TMEM45B: variants seen among roughly 807,000 people sequenced by gnomAD.
TMEM45B encodes the protein transmembrane protein 45B.
TMEM45B carries 29 observed loss-of-function variants against 27.3 expected under a neutral mutation model. The observed-to-expected ratio is 1.06, with a 90% CI of 0.79 to 1.45. The LOEUF is 1.45. Among genes scored for constraint, TMEM45B ranks in the 40% most tolerant of loss-of-function variants. TMEM45B has a pLI of 0.00. For synonymous variants in TMEM45B, 143 were observed against 134.7 expected (o/e 1.06, Z -0.43); for missense variants, 348 against 343.9 (o/e 1.01, Z -0.09).
In TMEM45B at chr11:129,857,639, G is replaced by C. The variant is rs551251445; in HGVS notation, c.716+181G>C. 6.2e-4 allele frequency among the ~76,000 whole-genome samples: 95 copies of C among 152,260 alleles called. 1 individual carries two copies. In the South Asian group the frequency reaches 0.02, roughly 32 times the overall value. ...GGAATGAGGCTTTTCAAAGTTTAATGACCTGAGGGCTTTTCAAAGTCATAG... is the reference window on the plus strand; with the variant it reads ...GGAATGAGGCTTTTCAAAGTTTAATCACCTGAGGGCTTTTCAAAGTCATAG... On this transcript the variant is annotated intron_variant, in intron 5 of 5. Coordinates refer to ENST00000281441, the MANE Select transcript of TMEM45B (RefSeq NM_138788.5).
chr11:129,855,216 G>C (rs939999794), intron 3 of TMEM45B, among the ~76,000 whole-genome samples: 2 of 152,106 alleles, frequency 1.3e-5, no homozygotes, highest in African/African-American at 4.8e-5. Context: ...ACACCCCTTT[G>C]GTTAAGCGAA....
rs566323630 is a variant in TMEM45B at position 129,841,553 on chromosome 11, T to C, written c.-8-10922T>C. Among the ~76,000 whole-genome samples the C allele has an allele frequency of 7.3e-5, 11 of 151,500 alleles. No individual in the cohort carries two copies. In the South Asian group the frequency reaches 2.3e-3, roughly 32 times the overall value. Reference sequence around the variant, plus strand: ...CCCACACAGAGGGACTGACAGGGGTTGGAAGTGTAATGGGCTTGAAGTTTT... The same window carrying C: ...CCCACACAGAGGGACTGACAGGGGTCGGAAGTGTAATGGGCTTGAAGTTTT... On this transcript the variant is annotated intron_variant, in intron 1 of 5. Coordinates refer to ENST00000281441, the MANE Select transcript of TMEM45B (RefSeq NM_138788.5).
At chr11:129,847,828 C>G (rs1947784283) in intron 1 of TMEM45B, among the ~76,000 whole-genome samples, 1 of 152,048 alleles carries the variant, frequency 6.6e-6, no homozygotes, top group Non-Finnish European at 1.5e-5. Flanking sequence ...CAATCTTTTC[C>G]CCACCTTTCC....
chr11:129,855,065 A>G (rs1351919247), intron 3 of TMEM45B, among the ~76,000 whole-genome samples: 2 of 152,202 alleles, frequency 1.3e-5, no homozygotes, highest in Non-Finnish European at 2.9e-5. Context: ...CTAACACTGC[A>G]GGAGTCCTCC....
In TMEM45B at chr11:129,820,866, G is replaced by C. The variant is rs1444902326; in HGVS notation, c.-9+4968G>C. On this transcript the variant is annotated intron_variant, in intron 1 of 5. Transcript: ENST00000281441. ...AGCGGCAATTACTTTCAATGCTTTG[G>C]GTTGTGTTTTTCTGATATTACCATA... 2.0e-5 allele frequency among the ~76,000 whole-genome samples: 3 copies of C among 152,128 alleles called. No individual in the cohort carries two copies. In the East Asian group the frequency reaches 5.8e-4, roughly 29 times the overall value.
chr11:129,842,865 T>C (rs1224450285), intron 1 of TMEM45B, among the ~76,000 whole-genome samples: 3 of 152,140 alleles, frequency 2.0e-5, no homozygotes, highest in Admixed American at 6.6e-5. Flanking sequence ...AAGATACCCA[T>C]AGAATGGGAG....
In TMEM45B at chr11:129,852,464, T is replaced by C; in HGVS notation, c.-8-11T>C. On this transcript the variant is annotated splice_polypyrimidine_tract_variant and intron_variant, in intron 1 of 5. Coordinates refer to ENST00000281441, the MANE Select transcript of TMEM45B (RefSeq NM_138788.5). ...CATTAGCCACCTAACAGCCTTCCCC[T>C]AATTTTTTAGGTGTCCTGATGGCAA... 6.3e-7 allele frequency: 1 copy of C among 1,580,426 alleles called. No homozygotes were observed. The highest frequency in any genetic ancestry group is 8.7e-7 in the Non-Finnish European group (1 of 1,154,368).
intron 2 of TMEM45B, 87 bp downstream of exon 2, chr11:129,852,747 T>C: frequency 1.4e-6 from 2 of 1,423,974 alleles, no homozygotes; most frequent in Non-Finnish European, 9.5e-7. Flanking sequence ...GAAATAGATG[T>C]TCCCACTGGC....
rs139170609 is a variant in TMEM45B at position 129,855,766 on chromosome 11, A to T, written c.444A>T (p.Ser148=). ...NRPPLDQHIH[S]LLLYALFGGC... is the part of the protein sequence containing the mutation. ...CTCCGCTGGACCAGCACATCCACTC[A>T]CTCCTGCTGTATGCTCTGTTCGGAG... The change falls in exon 4 of 6, where the codon TCA becomes TCT. Residue 148 remains serine, a synonymous_variant. Transcript: ENST00000281441. The T allele has an allele frequency of 3.1e-6, 5 of 1,612,134 alleles. No individual in the cohort carries two copies. Among genetic ancestry groups the T allele is most frequent in the Non-Finnish European group, 4.2e-6 (5 of 1,179,532 alleles).
chr11:129,839,861 C>T (rs1159512267), intron 1 of TMEM45B, among the ~76,000 whole-genome samples: 1 of 152,096 alleles, frequency 6.6e-6, no homozygotes, highest in East Asian at 1.9e-4. Context: ...TATTTGTTTT[C>T]CTATTTGTAA....
At chr11:129,837,777 C>CTTTTTTTTCT (rs1947641681) in intron 1 of TMEM45B, among the ~76,000 whole-genome samples, 3 of 69,026 alleles carry the variant, frequency 4.3e-5, no homozygotes, top group Non-Finnish European at 7.6e-5. Flanking sequence ...AGGCTAGTTT[C>CTTTTTTTTCT]TTTTTTTTTT....
At chr11:129,825,340 GT>G (rs1947465610) in intron 1 of TMEM45B, among the ~76,000 whole-genome samples, 3 of 152,154 alleles carry the variant, frequency 2.0e-5, no homozygotes, top group Admixed American at 2.0e-4. Flanking sequence ...GGCTTTCTGG[GT>G]GACTGGACAT....
chr11:129,856,341 AG>A (rs1768604342), intron 4 of TMEM45B, among the ~76,000 whole-genome samples: 1 of 151,826 alleles, frequency 6.6e-6, no homozygotes, highest in Non-Finnish European at 1.5e-5. Context: ...CCTCCTGAGT[AG>A]CTCAGGTTAC....
At chr11:129,816,931 A>T in intron 1 of TMEM45B, among the ~76,000 whole-genome samples, 1 of 146,732 alleles carries the variant, frequency 6.8e-6, no homozygotes. Flanking sequence ...TTTTTTTGGT[A>T]GAGACGGGGT....
At chr11:129,840,239 T>A (rs1947673150) in intron 1 of TMEM45B, among the ~76,000 whole-genome samples, 1 of 152,222 alleles carries the variant, frequency 6.6e-6, no homozygotes, top group African/African-American at 2.4e-5. Context: ...CTTCTATGAA[T>A]CATACATAAG....
At position 129,837,585 on chromosome 11, in the gene TMEM45B, C is replaced by CTTTTTTTTTTTTTTTTTTTTTTTTTTTTT. The variant is rs200040338; in HGVS notation, c.-8-14875_-8-14874insTTTTTTTTTTTTTTTTTTTTTTTTTTTTT. On this transcript the variant is annotated intron_variant, in intron 1 of 5. Transcript: ENST00000281441. ...TACAGGCATGAGCCACTGCACTGGG[C>CTTTTTTTTTTTTTTTTTTTTTTTTTTTTT]TTTTTTTTTTTTTTTGAGACAGGGT... Among the ~76,000 whole-genome samples, 78 of 80,276 alleles carry CTTTTTTTTTTTTTTTTTTTTTTTTTTTTT rather than the reference C, an allele frequency of 9.7e-4. 14 individuals are homozygous for CTTTTTTTTTTTTTTTTTTTTTTTTTTTTT. Among genetic ancestry groups the CTTTTTTTTTTTTTTTTTTTTTTTTTTTTT allele is most frequent in the Middle Eastern group, 7.6e-3 (1 of 132 alleles). The allele number at this position is 80,276 out of a possible 152,430, so 52.7% of individuals were successfully genotyped here.
rs1463762093 is a variant in TMEM45B at position 129,858,777 on chromosome 11, T to C, written c.*92T>C. ...CTGAATGCCTGCTGTGGTCTGATCT[T>C]AAGGGTCTATATATTTGCACCTCCT... On this transcript the variant is annotated 3_prime_UTR_variant, in exon 6 of 6. Coordinates refer to ENST00000281441, the MANE Select transcript of TMEM45B (RefSeq NM_138788.5). 9.8e-6 allele frequency: 9 copies of C among 917,136 alleles called. No homozygotes were observed. The Admixed American group carries it at 2.1e-4, about 22-fold the overall frequency. 56.8% of individuals were successfully genotyped at this position (917,136 alleles called of 1,614,324 possible). A position where few individuals can be genotyped will look rare whatever the true frequency, so the allele number is the denominator to read the frequency against.
intron 1 of TMEM45B, among the ~76,000 whole-genome samples, chr11:129,816,732 C>CTTTTTTTTTTT (rs869217352): frequency 3.8e-5 from 3 of 79,748 alleles, no homozygotes; most frequent in East Asian, 4.1e-4. Context: ...ATGGCCACTT[C>CTTTTTTTTTTT]TTTTTTTTTT....
Position 129,826,567 on chromosome 11 carries a change from A to AAAAAAAAAAAAAAAAAGAAAAAT in TMEM45B, c.-9+10670_-9+10671insAAAAAAAAAAAAAAAGAAAAATA, listed in dbSNP as rs1199881268. Among the ~76,000 whole-genome samples the AAAAAAAAAAAAAAAAAGAAAAAT allele has an allele frequency of 1.4e-4, 13 of 96,116 alleles. 1 individual carries two copies. The highest frequency in any genetic ancestry group is 2.0e-4 in the Non-Finnish European group (10 of 49,878). 63.1% of individuals were successfully genotyped at this position (96,116 alleles called of 152,430 possible). On this transcript the variant is annotated intron_variant, in intron 1 of 5. Transcript: ENST00000281441. Reference sequence around the variant, plus strand: ...CTGTCACAAAAAAAAAAAAAAAAAAAAGGACCCTGAGAGGCTATGTGTCTT... The same window carrying AAAAAAAAAAAAAAAAAGAAAAAT: ...CTGTCACAAAAAAAAAAAAAAAAAAAAAAAAAAAAAAAAAAAGAAAAATAGGACCCTGAGAGGCTATGTGTCTT...
Sources: gnomAD v4.1 joint callset for allele counts (sites outside exome capture counted in the v4.1 genomes callset) on GRCh38, gnomAD v4.1.1 for gene constraint, MANE v1.5 for transcripts, NCBI Gene and HGNC (gene_info 2026-07-23, HGNC 2026-07-21) for gene names.